Variants in CACNA2D3 observed in about 807,000 individuals in gnomAD.
CACNA2D3 encodes the protein calcium voltage-gated channel auxiliary subunit alpha2delta 3, also known as voltage-dependent calcium channel subunit alpha-2/delta-3.
Under a neutral mutation model 160.6 loss-of-function variants are expected in CACNA2D3, and 60 were observed. That is an observed-to-expected ratio of 0.37 (90% CI 0.30 to 0.46). The LOEUF (loss-of-function observed/expected upper bound fraction) is 0.46, where lower values mean the gene tolerates loss of function less well. Ranked by LOEUF, CACNA2D3 falls within the 20% of genes least tolerant of loss-of-function variation. The pLI is 1.00. For synonymous variants in CACNA2D3, 558 were observed against 492.9 expected (o/e 1.13, Z -1.75); for missense variants, 1,205 against 1,365.0 (o/e 0.88, Z 1.85).
intron 11 of CACNA2D3, among the ~76,000 whole-genome samples, chr3:54,691,356 G>A (rs904339059): frequency 6.6e-6 from 1 of 152,168 alleles, no homozygotes; most frequent in Non-Finnish European, 1.5e-5. Context: ...GCTACCAGGG[G>A]ACTTCCCAAT....
intron 18 of CACNA2D3, among the ~76,000 whole-genome samples, chr3:54,877,319 A>C (rs1699685226): frequency 6.6e-6 from 1 of 152,228 alleles, no homozygotes; most frequent in Non-Finnish European, 1.5e-5. Flanking sequence ...CACTAAGTGA[A>C]AATGAGCAAG....
intron 2 of CACNA2D3, among the ~76,000 whole-genome samples, chr3:54,279,196 A>G (rs1352699023): frequency 2.6e-5 from 4 of 152,148 alleles, no homozygotes; most frequent in Non-Finnish European, 5.9e-5. Flanking sequence ...TCCCAGTTTC[A>G]TGAGTGGAAT....
At chr3:54,509,209 A>G (rs976201200) in intron 5 of CACNA2D3, among the ~76,000 whole-genome samples, 1 of 152,198 alleles carries the variant, frequency 6.6e-6, no homozygotes, top group Non-Finnish European at 1.5e-5. Context: ...TTGATGTGCA[A>G]GAAGGCTCAC....
At chr3:54,386,879 G>C in intron 4 of CACNA2D3, 105 bp downstream of exon 4, 1 of 1,014,942 alleles carries the variant, frequency 9.9e-7, no homozygotes, top group Non-Finnish European at 1.4e-6. Context: ...GGAGGGAGAG[G>C]CTTTTGAGAG....
chr3:54,377,426 C>A (rs1264287166), intron 3 of CACNA2D3, among the ~76,000 whole-genome samples: 1 of 152,120 alleles, frequency 6.6e-6, no homozygotes, highest in Non-Finnish European at 1.5e-5. Flanking sequence ...TGAGAGCCAA[C>A]CGTGGGAGGC....
Position 55,008,089 on chromosome 3 carries a change from A to G in CACNA2D3, c.2819+247A>G, listed in dbSNP as rs141182013. 9.9e-4 allele frequency among the ~76,000 whole-genome samples: 150 copies of G among 152,150 alleles called. 1 individual carries two copies. The highest frequency in any genetic ancestry group is 3.4e-3 in the African/African-American group (142 of 41,500). On this transcript the variant is annotated intron_variant, in intron 33 of 37. Coordinates refer to ENST00000474759, the MANE Select transcript of CACNA2D3 (RefSeq NM_018398.3). ...AGCAGATCATTTGCAATACACAACA[A>G]ATTTACTTATTGTGGTTACTGCTCA...
rs1444085351 is a variant in CACNA2D3, at chr3:54,668,835, G to A, written c.1167+26594G>A. The stretch of plus-strand genomic sequence containing the variant: ...GTCCAGGCATCTAGTCTCTGTCAGG[G>A]CTTACCTCAAATGTGGGCTTTTCCT... On this transcript the variant is annotated intron_variant, in intron 11 of 37. Coordinates refer to ENST00000474759, the MANE Select transcript of CACNA2D3 (RefSeq NM_018398.3). Among the ~76,000 whole-genome samples, 91 of 152,188 alleles carry A rather than the reference G, an allele frequency of 6.0e-4. 1 individual carries two copies. Among genetic ancestry groups the A allele is most frequent in the Admixed American group, 6.0e-3 (91 of 15,288 alleles).
intron 27 of CACNA2D3, among the ~76,000 whole-genome samples, chr3:54,949,514 T>C (rs1314781677): frequency 1.3e-5 from 2 of 152,114 alleles, no homozygotes; most frequent in Non-Finnish European, 2.9e-5. Context: ...GCAGGTTGGG[T>C]TCAATGGCCC....
intron 4 of CACNA2D3, among the ~76,000 whole-genome samples, chr3:54,442,876 T>C (rs1250788315): frequency 6.6e-6 from 1 of 152,148 alleles, no homozygotes; most frequent in Non-Finnish European, 1.5e-5. Flanking sequence ...GAGTCGCTAT[T>C]TGAGATGAGG....
At chr3:54,740,687 C>A (rs1283738413) in intron 11 of CACNA2D3, among the ~76,000 whole-genome samples, 5 of 152,098 alleles carry the variant, frequency 3.3e-5, no homozygotes, top group African/African-American at 1.2e-4. Flanking sequence ...ACTGATGAGT[C>A]CTTGACTTTT....
At chr3:54,657,737 A>G (rs1393829151) in intron 11 of CACNA2D3, among the ~76,000 whole-genome samples, 2 of 152,108 alleles carry the variant, frequency 1.3e-5, no homozygotes, top group East Asian at 3.9e-4. Context: ...ATTCCATTGT[A>G]TGTATATAAG....
chr3:54,257,341 T>A (rs574751836), intron 2 of CACNA2D3, among the ~76,000 whole-genome samples: 1 of 152,362 alleles, frequency 6.6e-6, no homozygotes, highest in African/African-American at 2.4e-5. Context: ...GAGGCCAGGA[T>A]GACAAGCGTG....
At chr3:54,411,704 AT>A (rs1262156721) in intron 4 of CACNA2D3, among the ~76,000 whole-genome samples, 4 of 152,220 alleles carry the variant, frequency 2.6e-5, no homozygotes, top group Non-Finnish European at 5.9e-5. Flanking sequence ...TCATGGTGTT[AT>A]GGAACTAAAC....
At chr3:54,472,946 G>A (rs371923105) in intron 4 of CACNA2D3, among the ~76,000 whole-genome samples, 4 of 152,132 alleles carry the variant, frequency 2.6e-5, no homozygotes, top group African/African-American at 7.2e-5. Context: ...TCGTGAAAAC[G>A]GCCATAATGC....
At chr3:54,599,544 C>G (rs918101189) in intron 9 of CACNA2D3, among the ~76,000 whole-genome samples, 6 of 152,118 alleles carry the variant, frequency 3.9e-5, no homozygotes, top group Non-Finnish European at 8.8e-5. Context: ...CTTGAGCATA[C>G]ATGAGTTTCT....
intron 35 of CACNA2D3, among the ~76,000 whole-genome samples, chr3:55,028,560 C>T (rs151094609): frequency 3.9e-5 from 6 of 152,212 alleles, no homozygotes; most frequent in Non-Finnish European, 7.4e-5. Context: ...TGTTTCTTTC[C>T]TTCTTGATTA....
chr3:54,502,946 T>C lies in CACNA2D3; in HGVS notation c.382-546T>C, dbSNP rs952374954. Reference sequence around the variant, plus strand: ...TGCTGTTCTTTCTCGGATGTTTCCCTGATGCCCACACCACTGGATTTCTCC... The same window carrying C: ...TGCTGTTCTTTCTCGGATGTTTCCCCGATGCCCACACCACTGGATTTCTCC... On this transcript the variant is annotated intron_variant, in intron 4 of 37. Transcript: ENST00000474759. 2.6e-5 allele frequency among the ~76,000 whole-genome samples: 4 copies of C among 152,342 alleles called. 1 individual carries two copies. The highest frequency in any genetic ancestry group is 9.6e-5 in the African/African-American group (4 of 41,594).
chr3:54,824,320 G>A (rs935964838), intron 14 of CACNA2D3, among the ~76,000 whole-genome samples: 9 of 152,176 alleles, frequency 5.9e-5, no homozygotes, highest in African/African-American at 2.2e-4. Flanking sequence ...TGGTTACACC[G>A]TGGAGGTCAC....
intron 2 of CACNA2D3, among the ~76,000 whole-genome samples, chr3:54,278,764 C>G (rs1702801908): frequency 6.6e-6 from 1 of 151,892 alleles, no homozygotes; most frequent in Non-Finnish European, 1.5e-5. Flanking sequence ...TGTTCTCACT[C>G]ATAAGTGGGA....
Sources: gnomAD v4.1 joint callset for allele counts (sites outside exome capture counted in the v4.1 genomes callset) on GRCh38, gnomAD v4.1.1 for gene constraint, MANE v1.5 for transcripts, NCBI Gene and HGNC (gene_info 2026-07-23, HGNC 2026-07-21) for gene names.